Variants in EBF1 observed in about 807,000 individuals in gnomAD.
The protein encoded by EBF1 is transcription factor COE1.
In EBF1, 10 loss-of-function variants were observed where a neutral mutation model predicts 68.4. The observed-to-expected ratio is 0.15, with a 90% CI of 0.09 to 0.25. EBF1 has a LOEUF of 0.25. Among genes scored for constraint, EBF1 ranks in the 10% least tolerant of loss-of-function variants. The pLI is 1.00. For missense variants in EBF1, 509 were observed against 794.4 expected, an observed-to-expected ratio of 0.64 and a Z score of 4.32; for synonymous variants, 298 against 299.8, an observed-to-expected ratio of 0.99 and a Z score of 0.06.
At chr5:159,056,003 G>A (rs1045145727) in intron 6 of EBF1, among the ~76,000 whole-genome samples, 4 of 152,158 alleles carry the variant, frequency 2.6e-5, no homozygotes, top group African/African-American at 9.7e-5. Flanking sequence ...CTCTGTGAAT[G>A]TAAACAATGG....
intron 6 of EBF1, among the ~76,000 whole-genome samples, chr5:158,854,802 T>C (rs979856135): frequency 2.8e-4 from 43 of 152,188 alleles, no homozygotes; most frequent in African/African-American, 9.9e-4. Context: ...GGAGGACCCT[T>C]GAATCTGGCC....
intron 6 of EBF1, among the ~76,000 whole-genome samples, chr5:158,997,084 C>T (rs1761564243): frequency 6.6e-6 from 1 of 152,190 alleles, no homozygotes; most frequent in East Asian, 1.9e-4. Flanking sequence ...TCATCCTCCA[C>T]AAAAGCCCTT....
chr5:159,071,758 T>A (rs1266675899), intron 6 of EBF1, among the ~76,000 whole-genome samples: 1 of 152,100 alleles, frequency 6.6e-6, no homozygotes, highest in African/African-American at 2.4e-5. Flanking sequence ...AAAAGTCTTT[T>A]CATTGAGGGT....
At chr5:158,852,232 G>A (rs959627635) in intron 6 of EBF1, among the ~76,000 whole-genome samples, 1 of 151,876 alleles carries the variant, frequency 6.6e-6, no homozygotes, top group African/African-American at 2.4e-5. Flanking sequence ...AAGGTGTGGG[G>A]GGTGGGGGAC....
Position 158,796,472 on chromosome 5 carries a change from G to T in EBF1, c.782C>A (p.Thr261Asn). The T allele has an allele frequency of 1.2e-6, 2 of 1,611,694 alleles. No homozygotes were observed. Among genetic ancestry groups the T allele is most frequent in the Non-Finnish European group, 1.7e-6 (2 of 1,178,646 alleles). ...EGTPSYLEHA[T>N]PCIKAISPSE... is the part of the protein sequence containing the mutation. ...CGGGCTGATGGCTTTGATACAGGGAGTAGCTGCTTTTCAACACACATGAAA... is the reference window on the plus strand; with the variant it reads ...CGGGCTGATGGCTTTGATACAGGGATTAGCTGCTTTTCAACACACATGAAA... The change falls in exon 9 of 16, where the codon ACT becomes AAT. Residue 261 changes from threonine to asparagine, a missense_variant. Around this residue, in one of 3 missense-constraint regions of EBF1, gnomAD observed 230 missense variants for 467.7 expected, o/e 0.49. Coordinates refer to ENST00000313708, the MANE Select transcript of EBF1 (RefSeq NM_024007.5).
intron 6 of EBF1, among the ~76,000 whole-genome samples, chr5:158,931,877 C>G (rs1810963465): frequency 6.6e-6 from 1 of 152,202 alleles, no homozygotes; most frequent in East Asian, 1.9e-4. Flanking sequence ...CTAGAAGAAC[C>G]AGATGCCTTT....
intron 8 of EBF1, among the ~76,000 whole-genome samples, chr5:158,812,187 A>G (rs978202770): frequency 2.0e-5 from 3 of 152,196 alleles, no homozygotes; most frequent in African/African-American, 7.2e-5. Context: ...AACATGTGTT[A>G]GTGTTAAATA....
chr5:158,963,269 T>C (rs1252631023), intron 6 of EBF1, among the ~76,000 whole-genome samples: 1 of 152,202 alleles, frequency 6.6e-6, no homozygotes, highest in Admixed American at 6.5e-5. Context: ...GTCTTAAAAA[T>C]GTTCAGAGGT....
chr5:159,038,163 C>T (rs1770464015), intron 6 of EBF1, among the ~76,000 whole-genome samples: 1 of 152,166 alleles, frequency 6.6e-6, no homozygotes, highest in Non-Finnish European at 1.5e-5. Context: ...TCCTTTCTCC[C>T]TAAACTCACG....
At chr5:158,742,412 G>A (rs1329947769) in intron 10 of EBF1, among the ~76,000 whole-genome samples, 1 of 152,198 alleles carries the variant, frequency 6.6e-6, no homozygotes, top group Non-Finnish European at 1.5e-5. Flanking sequence ...TTCCTCAACT[G>A]TAAAGTGAAG....
At chr5:158,752,803 C>T (rs952556295) in intron 10 of EBF1, among the ~76,000 whole-genome samples, 1 of 152,026 alleles carries the variant, frequency 6.6e-6, no homozygotes, top group Non-Finnish European at 1.5e-5. Flanking sequence ...ATCCGTGTCA[C>T]ATTTTTCAAA....
At chr5:158,904,828 T>G (rs1804213453) in intron 6 of EBF1, among the ~76,000 whole-genome samples, 1 of 152,116 alleles carries the variant, frequency 6.6e-6, no homozygotes, top group African/African-American at 2.4e-5. Flanking sequence ...CCTAATACAT[T>G]TCTCAAATCT....
At chr5:158,787,839 T>A (rs1326719015) in intron 9 of EBF1, among the ~76,000 whole-genome samples, 1 of 152,200 alleles carries the variant, frequency 6.6e-6, no homozygotes, top group African/African-American at 2.4e-5. Flanking sequence ...TACTCAATCT[T>A]CACCATCACC....
At chr5:158,808,697 C>T (rs564969950) in intron 8 of EBF1, among the ~76,000 whole-genome samples, 1 of 151,922 alleles carries the variant, frequency 6.6e-6, no homozygotes, top group Non-Finnish European at 1.5e-5. Flanking sequence ...ACAGAGTGGG[C>T]AAAAATTGTG....
intron 10 of EBF1, among the ~76,000 whole-genome samples, chr5:158,761,746 C>A (rs1771506072): frequency 6.6e-6 from 1 of 152,060 alleles, no homozygotes; most frequent in Non-Finnish European, 1.5e-5. Flanking sequence ...GACATGACAT[C>A]CCAGGATTCA....
At chr5:159,003,374 T>C (rs564724128) in intron 6 of EBF1, among the ~76,000 whole-genome samples, 4 of 152,248 alleles carry the variant, frequency 2.6e-5, no homozygotes, top group Admixed American at 2.6e-4. Context: ...ACAATAATAA[T>C]TTATTCTGAA....
Position 158,697,552 on chromosome 5 carries a change from G to C in EBF1, c.*1559C>G, listed in dbSNP as rs1755956468. ...GGAAAAGCAATGTACAAATTCGAAA[G>C]ATAAATACATTATTTATATGGATAT... On this transcript the variant is annotated 3_prime_UTR_variant, in exon 16 of 16. Coordinates refer to ENST00000313708, the MANE Select transcript of EBF1 (RefSeq NM_024007.5). The C allele has an allele frequency of 4.8e-6, 1 of 206,558 alleles. No homozygotes were observed. The highest frequency in any genetic ancestry group is 2.3e-5 in the African/African-American group (1 of 43,788). The allele number at this position is 206,558 out of a possible 1,614,324, so 12.8% of individuals were successfully genotyped here. A position where few individuals can be genotyped will look rare whatever the true frequency, so the allele number is the denominator to read the frequency against.
intron 6 of EBF1, among the ~76,000 whole-genome samples, chr5:158,998,787 C>A (rs368246694): frequency 1.3e-5 from 2 of 152,134 alleles, no homozygotes; most frequent in African/African-American, 4.8e-5. Context: ...CTCCTGAAAT[C>A]ATCTCACAGG....
At chr5:159,081,100 C>G (rs1485501105) in intron 5 of EBF1, among the ~76,000 whole-genome samples, 1 of 152,152 alleles carries the variant, frequency 6.6e-6, no homozygotes, top group African/African-American at 2.4e-5. Flanking sequence ...CCCACCTCAG[C>G]CCCCTGAGTA....
Sources: gnomAD v4.1 joint callset for allele counts (sites outside exome capture counted in the v4.1 genomes callset) on GRCh38, gnomAD v4.1.1 for gene constraint, gnomAD v4.1.1 regional missense constraint, MANE v1.5 for transcripts, NCBI Gene and HGNC (gene_info 2026-07-23, HGNC 2026-07-21) for gene names.